GUCY2C: variants seen among roughly 807,000 people sequenced by gnomAD.
GUCY2C encodes the protein guanylate cyclase 2C.
A neutral mutation model predicts 131.1 loss-of-function variants in GUCY2C; 118 were observed. The ratio of observed to expected loss-of-function variants is 0.90; its 90% CI spans 0.78 to 1.05. The LOEUF is 1.05. Among genes scored for constraint, GUCY2C ranks in the 50% least tolerant of loss-of-function variants. GUCY2C has a pLI of 0.00. For synonymous variants in GUCY2C, 452 were observed against 457.8 expected (o/e 0.99, Z 0.16); for missense variants, 1,161 against 1,304.4 (o/e 0.89, Z 1.69).
At chr12:14,619,437 T>A in intron 23 of GUCY2C, 128 bp from the exon 24 acceptor site, 1 of 623,398 alleles carries the variant, frequency 1.6e-6, no homozygotes, top group South Asian at 2.1e-5. Flanking sequence ...GCTGAGGATG[T>A]GAAATGTGAG....
intron 1 of GUCY2C, among the ~76,000 whole-genome samples, chr12:14,694,873 C>T (rs1948629998): frequency 6.6e-6 from 1 of 152,058 alleles, no homozygotes; most frequent in East Asian, 1.9e-4. Context: ...AATCTAATCT[C>T]AGGGAATGCA....
intron 15 of GUCY2C, 116 bp downstream of exon 15, chr12:14,651,291 G>T: frequency 1.7e-6 from 1 of 598,714 alleles, no homozygotes; most frequent in East Asian, 2.9e-5. Flanking sequence ...GAAAGCATGT[G>T]ACCCCACCAA....
At position 14,621,865 on chromosome 12, in the gene GUCY2C, C is replaced by T. The variant is rs141210102; in HGVS notation, c.2601+140G>A. On this transcript the variant is annotated intron_variant, in intron 22 of 26. Transcript: ENST00000261170. ...CCTCTAATCCTTCTACTTCTCTTCA[C>T]TTTTAGCTCAGATTCAACCACCAAT... is the stretch of plus-strand genomic sequence containing the variant. 1.7e-3 allele frequency: 992 copies of T among 574,516 alleles called. 23 individuals carry two copies. In the Admixed American group the frequency reaches 0.034, roughly 20 times the overall value. The allele number at this position is 574,516 out of a possible 1,614,324, so 35.6% of individuals were successfully genotyped here.
At chr12:14,641,719 A>C (rs1334349528) in intron 17 of GUCY2C, among the ~76,000 whole-genome samples, 1 of 152,150 alleles carries the variant, frequency 6.6e-6, no homozygotes. Flanking sequence ...CAGGTGGATC[A>C]CAAGGTCAGG....
In GUCY2C at chr12:14,640,007, A is replaced by G. The variant is rs1004231773; in HGVS notation, c.2069-57T>C. 5.2e-6 allele frequency: 6 copies of G among 1,145,578 alleles called. 1 individual carries two copies. The East Asian group carries it at 1.4e-4, about 27-fold the overall frequency. 71.0% of individuals were successfully genotyped at this position (1,145,578 alleles called of 1,614,324 possible). A position where few individuals can be genotyped will look rare whatever the true frequency, so the allele number is the denominator to read the frequency against. ...GAAGAATACAGCATGAAGAAATGGA[A>G]GGAATTTCAACAGAAATCCAGTTGA... On this transcript the variant is annotated intron_variant, in intron 18 of 26. Coordinates refer to ENST00000261170, the MANE Select transcript of GUCY2C (RefSeq NM_004963.4).
rs1306135041 is a variant in GUCY2C, at chr12:14,630,068, A to G, written c.2158-1331T>C. ...AGGTAGGGAGACAGGAGGAAGCCCAACTGCTCATCTGCTACCACCTGTTTG... is the reference window on the plus strand; with the variant it reads ...AGGTAGGGAGACAGGAGGAAGCCCAGCTGCTCATCTGCTACCACCTGTTTG... On this transcript the variant is annotated intron_variant, in intron 19 of 26. Coordinates refer to ENST00000261170, the MANE Select transcript of GUCY2C (RefSeq NM_004963.4). Among the ~76,000 whole-genome samples, 5 of 151,792 alleles carry G rather than the reference A, an allele frequency of 3.3e-5. No homozygotes were observed. In the East Asian group the frequency reaches 9.7e-4, roughly 29 times the overall value.
In GUCY2C at chr12:14,643,599, G is replaced by A. The variant is rs2137024097; in HGVS notation, c.1905C>T (p.Cys635=). ...RMVVKITDFG[C]NSILPPKKDL... ...CCTTTTTTGGAGGTAAAATGGAATT[G>A]CAGCCAAAATCAGTGATCTTCACCA... Residue 635 remains cysteine (C), a synonymous_variant, in exon 17 of 27, where the codon TGC becomes TGT. Coordinates refer to ENST00000261170, the MANE Select transcript of GUCY2C (RefSeq NM_004963.4). The A allele has an allele frequency of 6.2e-7, 1 of 1,613,752 alleles. No individual in the cohort carries two copies. The highest frequency in any genetic ancestry group is 2.2e-5 in the East Asian group (1 of 44,864).
intron 1 of GUCY2C, among the ~76,000 whole-genome samples, chr12:14,691,809 C>T (rs1265188067): frequency 6.6e-6 from 1 of 152,192 alleles, no homozygotes; most frequent in Non-Finnish European, 1.5e-5. Context: ...CTACTGGGCC[C>T]CAGTTCCTCA....
intron 11 of GUCY2C, among the ~76,000 whole-genome samples, chr12:14,659,295 G>T (rs532956908): frequency 4.0e-4 from 61 of 151,936 alleles, no homozygotes; most frequent in Non-Finnish European, 7.6e-4. Flanking sequence ...CAGCCACCTC[G>T]GCCTTCCAAA....
chr12:14,621,665 C>A (rs1466103266), intron 22 of GUCY2C, among the ~76,000 whole-genome samples: 1 of 152,030 alleles, frequency 6.6e-6, no homozygotes. Flanking sequence ...TATTATAACC[C>A]CAGTGTCTTC....
At chr12:14,664,188 G>T (rs1419651425) in intron 10 of GUCY2C, among the ~76,000 whole-genome samples, 1 of 152,142 alleles carries the variant, frequency 6.6e-6, no homozygotes, top group Non-Finnish European at 1.5e-5. Context: ...TCATACTTTG[G>T]AGTTGAACTT....
chr12:14,642,668 G>A (rs1947434591), intron 17 of GUCY2C, among the ~76,000 whole-genome samples: 1 of 152,118 alleles, frequency 6.6e-6, no homozygotes, highest in South Asian at 2.1e-4. Context: ...ATAAGCGAGT[G>A]CTGTTTAAGA....
chr12:14,672,976 T>A lies in GUCY2C; in HGVS notation c.1085-18A>T, dbSNP rs766818659. 2.8e-6 allele frequency: 4 copies of A among 1,447,966 alleles called. No individual in the cohort carries two copies. The Admixed American group carries it at 6.7e-5, about 24-fold the overall frequency. 89.7% of individuals were successfully genotyped at this position (1,447,966 alleles called of 1,614,324 possible). ...GTCATACCCTAGGGCAAGATCAGAGTATGTTAGAGGCCATTCTTGATTTTT... is the reference window on the plus strand; with the variant it reads ...GTCATACCCTAGGGCAAGATCAGAGAATGTTAGAGGCCATTCTTGATTTTT... On this transcript the variant is annotated intron_variant, in intron 8 of 26. Coordinates refer to ENST00000261170, the MANE Select transcript of GUCY2C (RefSeq NM_004963.4).
At chr12:14,670,489 A>G (rs781377416) in intron 9 of GUCY2C, among the ~76,000 whole-genome samples, 7 of 152,104 alleles carry the variant, frequency 4.6e-5, no homozygotes, top group South Asian at 2.1e-4. Context: ...TATTGAGTCA[A>G]TTTTGTAAGG....
chr12:14,636,566 C>G (rs1947274274), intron 19 of GUCY2C, among the ~76,000 whole-genome samples: 1 of 152,154 alleles, frequency 6.6e-6, no homozygotes, highest in Non-Finnish European at 1.5e-5. Flanking sequence ...AGCTTTCCCT[C>G]TAAGAACTGG....
At chr12:14,626,428 A>G (rs1947019784) in intron 20 of GUCY2C, among the ~76,000 whole-genome samples, 1 of 152,190 alleles carries the variant, frequency 6.6e-6, no homozygotes, top group Admixed American at 6.5e-5. Flanking sequence ...AGAAGGAGGA[A>G]ATACATATAG....
chr12:14,647,896 A>T (rs982207330), intron 15 of GUCY2C, among the ~76,000 whole-genome samples: 3 of 151,864 alleles, frequency 2.0e-5, no homozygotes, highest in Non-Finnish European at 4.4e-5. Flanking sequence ...TATAATTTTT[A>T]GTATTTGAGG....
intron 4 of GUCY2C, 32 bp from the exon 5 acceptor site, chr12:14,681,509 T>C (rs1462193024): frequency 1.3e-6 from 2 of 1,590,938 alleles, no homozygotes; most frequent in South Asian, 1.1e-5. Context: ...CTAAAACAGC[T>C]TACTTCCCTC....
chr12:14,669,546 T>C (rs1257220300), intron 10 of GUCY2C, among the ~76,000 whole-genome samples, 176 bp downstream of exon 10: 2 of 152,112 alleles, frequency 1.3e-5, no homozygotes, highest in African/African-American at 4.8e-5. Flanking sequence ...AACTATAATA[T>C]CATTCATTGT....
Sources: gnomAD v4.1 joint callset for allele counts (sites outside exome capture counted in the v4.1 genomes callset) on GRCh38, gnomAD v4.1.1 for gene constraint, MANE v1.5 for transcripts, NCBI Gene and HGNC (gene_info 2026-07-23, HGNC 2026-07-21) for gene names.